The following AGBL4 variants were observed in gnomAD, a reference collection of about 807,000 sequenced individuals.
AGBL4 encodes the protein AGBL carboxypeptidase 4.
In AGBL4, 58 loss-of-function variants were observed where a neutral mutation model predicts 66.4. The observed-to-expected ratio is 0.87, with a 90% CI of 0.71 to 1.09. AGBL4 has a LOEUF of 1.09. Ranked by LOEUF, AGBL4 falls within the 50% of genes least tolerant of loss-of-function variation. The pLI is 0.00. For synonymous variants in AGBL4, 234 were observed against 222.9 expected (o/e 1.05, Z -0.44); for missense variants, 579 against 631.0 (o/e 0.92, Z 0.88).
intron 6 of AGBL4, chr1:48,742,684 G>T (rs1180213008): frequency 1.2e-6 from 2 of 1,611,456 alleles, no homozygotes; most frequent in African/African-American, 1.3e-5. Flanking sequence ...ATAGGACGAC[G>T]TATTTGCTTC....
At chr1:48,815,784 A>G (rs867892855) in intron 6 of AGBL4, among the ~76,000 whole-genome samples, 18 of 152,284 alleles carry the variant, frequency 1.2e-4, no homozygotes, top group South Asian at 2.1e-4. Context: ...TCTTCACTGT[A>G]TGGATCTCAA....
At chr1:49,030,595 A>G (rs1664129661) in intron 5 of AGBL4, among the ~76,000 whole-genome samples, 1 of 152,000 alleles carries the variant, frequency 6.6e-6, no homozygotes, top group East Asian at 1.9e-4. Context: ...CCCTATTGTG[A>G]ACTGTGAAAG....
intron 8 of AGBL4, among the ~76,000 whole-genome samples, chr1:48,635,913 A>C (rs1645661264): frequency 1.3e-5 from 2 of 152,228 alleles, no homozygotes; most frequent in Non-Finnish European, 2.9e-5. Context: ...TTGCCATTAC[A>C]ACATGAGCAT....
intron 13 of AGBL4, among the ~76,000 whole-genome samples, chr1:48,534,649 A>G (rs1036478095): frequency 3.3e-5 from 5 of 152,130 alleles, no homozygotes; most frequent in African/African-American, 1.2e-4. Context: ...TGGTACACCC[A>G]TTTTTCTTTA....
In AGBL4 at chr1:49,145,782, G is replaced by A. The variant is rs1390403980; in HGVS notation, c.378-99982C>T. 2.6e-5 allele frequency among the ~76,000 whole-genome samples: 4 copies of A among 152,130 alleles called. No homozygotes were observed. In the East Asian group the frequency reaches 5.8e-4, roughly 22 times the overall value. On this transcript the variant is annotated intron_variant, in intron 4 of 13. Transcript: ENST00000371839. ...TATACCCAAAACAAAGGAAATAAGT[G>A]TATCAAAGAGATACCTGCACTCTCA...
chr1:49,890,163 T>G (rs1056165455), intron 1 of AGBL4, among the ~76,000 whole-genome samples: 5 of 152,182 alleles, frequency 3.3e-5, no homozygotes, highest in African/African-American at 1.2e-4. Context: ...TAGTTCTTAA[T>G]TCCTTTATTT....
intron 3 of AGBL4, among the ~76,000 whole-genome samples, chr1:49,550,200 C>A (rs1166736841): frequency 6.6e-6 from 1 of 152,100 alleles, no homozygotes; most frequent in Admixed American, 6.5e-5. Flanking sequence ...TTGAAGGCAG[C>A]AGATAGTTGA....
chr1:49,436,378 A>C (rs1002213653), intron 3 of AGBL4, among the ~76,000 whole-genome samples: 1 of 152,196 alleles, frequency 6.6e-6, no homozygotes, highest in Non-Finnish European at 1.5e-5. Context: ...TAATTAGGTC[A>C]ACAGCAGTAC....
intron 4 of AGBL4, among the ~76,000 whole-genome samples, chr1:49,117,870 T>C (rs1320267066): frequency 1.3e-5 from 2 of 152,216 alleles, no homozygotes; most frequent in African/African-American, 4.8e-5. Flanking sequence ...TATTCTTCCA[T>C]TTGTTTGTGT....
chr1:49,955,575 T>C (rs1375056791), intron 1 of AGBL4, among the ~76,000 whole-genome samples: 1 of 151,928 alleles, frequency 6.6e-6, no homozygotes, highest in Non-Finnish European at 1.5e-5. Flanking sequence ...TGTTCCCTCC[T>C]TTAGTTTGCC....
At chr1:48,915,966 G>A (rs1210092559) in intron 5 of AGBL4, among the ~76,000 whole-genome samples, 1 of 152,208 alleles carries the variant, frequency 6.6e-6, no homozygotes, top group East Asian at 1.9e-4. Flanking sequence ...TGCATGGTCA[G>A]GCAATGCTGT....
chr1:49,844,700 C>G (rs537254996), intron 2 of AGBL4: 6 of 1,600,224 alleles, frequency 3.7e-6, no homozygotes, highest in Non-Finnish European at 4.3e-6. Context: ...GACTTGGAAA[C>G]TAGACCCAAA....
At chr1:49,561,074 C>G (rs1644027048) in intron 3 of AGBL4, among the ~76,000 whole-genome samples, 1 of 151,972 alleles carries the variant, frequency 6.6e-6, no homozygotes, top group Non-Finnish European at 1.5e-5. Context: ...AACAACATAA[C>G]TATGGTGTGT....
intron 4 of AGBL4, among the ~76,000 whole-genome samples, chr1:49,174,159 T>G (rs1407032291): frequency 6.6e-6 from 1 of 152,064 alleles, no homozygotes; most frequent in Non-Finnish European, 1.5e-5. Context: ...AAATGGGCAA[T>G]GAAGTTAATT....
intron 3 of AGBL4, among the ~76,000 whole-genome samples, chr1:49,478,792 A>T (rs1646895593): frequency 6.6e-6 from 1 of 152,086 alleles, no homozygotes; most frequent in African/African-American, 2.4e-5. Flanking sequence ...TTCAAGACAT[A>T]GACGATGCAA....
At chr1:48,591,332 C>T (rs550220600) in intron 9 of AGBL4, among the ~76,000 whole-genome samples, 1 of 152,286 alleles carries the variant, frequency 6.6e-6, no homozygotes, top group African/African-American at 2.4e-5. Context: ...ACAGCTAACA[C>T]ATTCATGACT....
intron 2 of AGBL4, among the ~76,000 whole-genome samples, chr1:49,815,683 G>A (rs1385261103): frequency 1.3e-5 from 2 of 151,938 alleles, no homozygotes; most frequent in African/African-American, 4.8e-5. Context: ...ATTTTTTATT[G>A]CTTGTCTTTT....
chr1:48,728,729 G>T (rs1263105120), intron 6 of AGBL4, among the ~76,000 whole-genome samples: 1 of 152,208 alleles, frequency 6.6e-6, no homozygotes, highest in Non-Finnish European at 1.5e-5. Context: ...TGAATGTTAA[G>T]ATGTGTGCAT....
intron 3 of AGBL4, among the ~76,000 whole-genome samples, chr1:49,629,759 C>G (rs1162760968): frequency 1.3e-5 from 2 of 152,146 alleles, no homozygotes; most frequent in East Asian, 3.9e-4. Context: ...CTAGGGGAAT[C>G]ATTAACAAAT....
Sources: gnomAD v4.1 joint callset for allele counts (sites outside exome capture counted in the v4.1 genomes callset) on GRCh38, gnomAD v4.1.1 for gene constraint, MANE v1.5 for transcripts, NCBI Gene and HGNC (gene_info 2026-07-23, HGNC 2026-07-21) for gene names.